ING5: variants seen among roughly 807,000 people sequenced by gnomAD.
ING5 encodes inhibitor of growth protein 5.
Under a neutral mutation model 37.4 loss-of-function variants are expected in ING5, and 17 were observed. The observed-to-expected ratio is 0.45, with a 90% CI of 0.31 to 0.68. ING5 has a LOEUF of 0.68. Ranked by LOEUF, ING5 falls within the 30% of genes least tolerant of loss-of-function variation. ING5 has a pLI of 0.05. For missense variants in ING5, 233 were observed against 311.9 expected, an observed-to-expected ratio of 0.75 and a Z score of 1.91; for synonymous variants, 123 against 116.6, an observed-to-expected ratio of 1.06 and a Z score of -0.36.
chr2:241,723,143 G>A, intron 6 of ING5, 67 bp from the exon 7 acceptor site: 2 of 1,613,656 alleles, frequency 1.2e-6, no homozygotes, highest in Non-Finnish European at 1.7e-6. Context: ...GCGGATGTTG[G>A]CATTTCTTGT....
At chr2:241,698,539 G>GT (rs1491206420), upstream of ING5, among the ~76,000 whole-genome samples, 47 of 145,542 alleles carry the variant, frequency 3.2e-4, no homozygotes, top group Non-Finnish European at 4.9e-4. Flanking sequence ...GTGTGTGTGT[G>GT]GAGGAGTATA....
rs1691569294 is a variant in ING5 at position 241,725,304 on chromosome 2, G to A, written c.*273G>A. 8.4e-6 allele frequency: 4 copies of A among 476,572 alleles called. No individual in the cohort carries two copies. Among genetic ancestry groups the A allele is most frequent in the East Asian group, 4.0e-5 (1 of 25,196 alleles). The allele number at this position is 476,572 out of a possible 1,614,324, so 29.5% of individuals were successfully genotyped here. A position where few individuals can be genotyped will look rare whatever the true frequency, so the allele number is the denominator to read the frequency against. On this transcript the variant is annotated 3_prime_UTR_variant, in exon 8 of 8. Transcript: ENST00000313552. Reference sequence around the variant, plus strand: ...GACCCCGGCGGACGTGGGCGGGCGCGCGTGAGCTCGGGCTGCCCGGCCGGG... The same window carrying A: ...GACCCCGGCGGACGTGGGCGGGCGCACGTGAGCTCGGGCTGCCCGGCCGGG...
At chr2:241,692,631 G>T (rs1169439497) in intron 2 of ING5, among the ~76,000 whole-genome samples, 1 of 152,068 alleles carries the variant, frequency 6.6e-6, no homozygotes, top group Non-Finnish European at 1.5e-5. Flanking sequence ...GCATACCAGT[G>T]AAAGTACTGA....
upstream of ING5, among the ~76,000 whole-genome samples, chr2:241,700,473 T>A (rs1219409225): frequency 1.3e-5 from 2 of 150,898 alleles, no homozygotes; most frequent in Non-Finnish European, 3.0e-5. Context: ...ATTTTATTTT[T>A]GAGATGGAAT....
chr2:241,711,840 G>A (rs1360466812), intron 4 of ING5, 138 bp from the exon 5 acceptor site: 3 of 765,836 alleles, frequency 3.9e-6, no homozygotes, highest in Non-Finnish European at 6.3e-6. Flanking sequence ...GGTCAAGGCT[G>A]CGGTGAGCTA....
intron 5 of ING5, among the ~76,000 whole-genome samples, chr2:241,715,020 C>T (rs1372617664): frequency 3.3e-5 from 5 of 152,052 alleles, no homozygotes; most frequent in African/African-American, 4.8e-5. Flanking sequence ...TTTACTTTGC[C>T]TATACTATTC....
upstream of ING5, among the ~76,000 whole-genome samples, chr2:241,701,549 C>G (rs6715151): frequency 0.53 from 80,275 of 151,914 alleles, 22,092 homozygotes; most frequent in Admixed American, 0.64. Flanking sequence ...CGGCTCAGGC[C>G]GGGCTGAGGC....
chr2:241,702,658 G>A (rs886208430), intron 1 of ING5, among the ~76,000 whole-genome samples: 4 of 152,212 alleles, frequency 2.6e-5, no homozygotes, highest in Admixed American at 6.5e-5. Flanking sequence ...GCGCGGAGGC[G>A]GGGAGGGCGG....
chr2:241,689,195 C>G (rs1364443469), intron 1 of ING5, among the ~76,000 whole-genome samples: 1 of 151,970 alleles, frequency 6.6e-6, no homozygotes, highest in Admixed American at 6.6e-5. Context: ...TCACTGCAAC[C>G]TCCACTTCCC....
intron 5 of ING5, among the ~76,000 whole-genome samples, chr2:241,715,472 ATTTTTTT>A (rs34545938): frequency 3.0e-4 from 21 of 70,956 alleles, no homozygotes; most frequent in African/African-American, 1.3e-3. Flanking sequence ...CTGGAATAGA[ATTTTTTT>A]TTTTTTTTTT....
intron 2 of ING5, among the ~76,000 whole-genome samples, chr2:241,694,503 C>T (rs1169648530): frequency 1.3e-4 from 19 of 151,508 alleles, no homozygotes; most frequent in Admixed American, 1.3e-3. Flanking sequence ...AAATAGGCAA[C>T]AAATATGTTA....
At chr2:241,698,351 G>A (rs1050970384), upstream of ING5, among the ~76,000 whole-genome samples, 1 of 151,904 alleles carries the variant, frequency 6.6e-6, no homozygotes, top group Non-Finnish European at 1.5e-5. Context: ...AGGCTGAGGC[G>A]GGAGAATGGC....
At chr2:241,719,848 G>A in intron 5 of ING5, 2 of 1,404,408 alleles carry the variant, frequency 1.4e-6, no homozygotes, top group Non-Finnish European at 1.8e-6. Context: ...TGGGAGCTCA[G>A]CGCTGCCTGC....
chr2:241,699,155 G>C (rs986555340), upstream of ING5, among the ~76,000 whole-genome samples: 1 of 151,766 alleles, frequency 6.6e-6, no homozygotes, highest in Non-Finnish European at 1.5e-5. Context: ...CTCCCGAGCA[G>C]CTGAGATTGC....
At chr2:241,715,578 G>A (rs2124928950) in intron 5 of ING5, among the ~76,000 whole-genome samples, 1 of 147,990 alleles carries the variant, frequency 6.8e-6, no homozygotes, top group South Asian at 2.1e-4. Flanking sequence ...CACCTCCCAG[G>A]TTCAAGCAAT....
chr2:241,719,571 ACTC>A (rs776587819), intron 5 of ING5: 2 of 1,535,320 alleles, frequency 1.3e-6, no homozygotes, highest in Non-Finnish European at 1.7e-6. Flanking sequence ...TGAAAGTGGG[ACTC>A]CTCCTGGTCT....
chr2:241,695,574 T>C (rs527823627), intron 2 of ING5, among the ~76,000 whole-genome samples: 7 of 152,238 alleles, frequency 4.6e-5, no homozygotes, highest in African/African-American at 1.2e-4. Context: ...TAGTCCCACC[T>C]ACTCAGGAGG....
rs575875961 is a variant in ING5, at chr2:241,704,334, G to C, written c.38-319G>C. ...TGTAATCCCAGCACTTTGAGAGGCC[G>C]AGGTGGGCGGATCACCTGAGGTCAG... On this transcript the variant is annotated intron_variant, in intron 1 of 7. Transcript: ENST00000313552. Among the ~76,000 whole-genome samples, 133 of 152,264 alleles carry C rather than the reference G, an allele frequency of 8.7e-4. 1 individual carries two copies. Among genetic ancestry groups the C allele is most frequent in the African/African-American group, 2.9e-3 (122 of 41,554 alleles).
intron 6 of ING5, 28 bp downstream of exon 6, chr2:241,723,102 A>T: frequency 6.2e-7 from 1 of 1,614,126 alleles, no homozygotes; most frequent in Non-Finnish European, 8.5e-7. Context: ...GATTCGCGCC[A>T]TGGGGCGGGG....
Sources: gnomAD v4.1 joint callset for allele counts (sites outside exome capture counted in the v4.1 genomes callset) on GRCh38, gnomAD v4.1.1 for gene constraint, MANE v1.5 for transcripts, NCBI Gene and HGNC (gene_info 2026-07-23, HGNC 2026-07-21) for gene names.